TMEM11: variants seen among roughly 807,000 people sequenced by gnomAD.
TMEM11 encodes transmembrane protein 11, mitochondrial.
TMEM11 carries 1 observed loss-of-function variant against 17.0 expected under a neutral mutation model. The ratio of observed to expected loss-of-function variants is 0.06; its 90% CI spans 0.02 to 0.28. The LOEUF (loss-of-function observed/expected upper bound fraction) is 0.28. Among genes scored for constraint, TMEM11 ranks in the 10% least tolerant of loss-of-function variants. TMEM11 has a pLI of 1.00. For synonymous variants in TMEM11, 122 were observed against 118.1 expected (o/e 1.03, Z -0.21); for missense variants, 172 against 252.9 (o/e 0.68, Z 2.17).
Position 21,198,288 on chromosome 17 carries a change from C to A in TMEM11, c.*36G>T. ...TGAATACTCTGTTGTCTCTTGTGGG[C>A]CGGGTGGTTTTGCTTCGCTCCCTGT... On this transcript the variant is annotated 3_prime_UTR_variant, in exon 2 of 2. Coordinates refer to ENST00000317635, the MANE Select transcript of TMEM11 (RefSeq NM_003876.3). The surrounding 1 kb of genome is among the most constrained non-coding windows in gnomAD (Gnocchi z 6.5). 1 of 1,582,544 alleles carries A rather than the reference C, an allele frequency of 6.3e-7. No individual in the cohort carries two copies. The highest frequency in any genetic ancestry group is 8.6e-7 in the Non-Finnish European group (1 of 1,160,356).
intron 1 of TMEM11, among the ~76,000 whole-genome samples, chr17:21,200,399 T>C (rs1020973122): frequency 2.0e-5 from 3 of 152,214 alleles, no homozygotes; most frequent in African/African-American, 7.2e-5. Context: ...GCAAGAAGTC[T>C]TTATCTGGGC....
chr17:21,198,300 G>T lies in TMEM11; in HGVS notation c.*24C>A, dbSNP rs752591957. On this transcript the variant is annotated 3_prime_UTR_variant, in exon 2 of 2. Coordinates refer to ENST00000317635, the MANE Select transcript of TMEM11 (RefSeq NM_003876.3). This position sits in a 1 kb window ranked among gnomAD's most constrained non-coding sequence, Gnocchi z 6.5. ...TGTCTCTTGTGGGCCGGGTGGTTTT[G>T]CTTCGCTCCCTGTTCTACTGAAATC... The T allele has an allele frequency of 6.3e-7, 1 of 1,592,416 alleles. No individual in the cohort carries two copies. The highest frequency in any genetic ancestry group is 8.6e-7 in the Non-Finnish European group (1 of 1,165,518).
chr17:21,199,301 T>G (rs1178619359), intron 1 of TMEM11, among the ~76,000 whole-genome samples: 4 of 122,968 alleles, frequency 3.3e-5, no homozygotes, highest in Non-Finnish European at 6.4e-5. Context: ...CACTCCAGCC[T>G]GGGTGACAGG....
chr17:21,210,939 C>G (rs1974996469), intron 1 of TMEM11: 1 of 1,283,004 alleles, frequency 7.8e-7, no homozygotes, highest in Non-Finnish European at 1.0e-6. Context: ...TACTCACATT[C>G]CAACAATCAC....
rs376685777 is a variant in TMEM11 at position 21,198,422 on chromosome 17, G to A, written c.481C>T (p.Arg161Trp). ...LTSSTPVVLVRKDDLHRKRLH... is the reference protein window; with the variant it reads ...LTSSTPVVLVWKDDLHRKRLH... Reference sequence around the variant, plus strand: ...CTCTTTCTGTGCAGGTCGTCCTTCCGGACCAGCACCACCGGGGTGGAGGAG... The same window carrying A: ...CTCTTTCTGTGCAGGTCGTCCTTCCAGACCAGCACCACCGGGGTGGAGGAG... Residue 161 changes from arginine (R) to tryptophan (W), a missense_variant, in exon 2 of 2, where the codon CGG becomes TGG. By Grantham distance (101) the Arg-to-Trp change is moderately radical. Coordinates refer to ENST00000317635, the MANE Select transcript of TMEM11 (RefSeq NM_003876.3). This position sits in a 1 kb window ranked among gnomAD's most constrained non-coding sequence, Gnocchi z 6.5. 4.3e-6 allele frequency: 7 copies of A among 1,614,108 alleles called. No individual in the cohort carries two copies. Among genetic ancestry groups the A allele is most frequent in the African/African-American group, 4.0e-5 (3 of 74,936 alleles).
intron 1 of TMEM11, chr17:21,213,829 C>T (rs951229501): frequency 2.4e-6 from 1 of 420,660 alleles, no homozygotes; most frequent in Admixed American, 4.3e-5. Context: ...CACGGCCCGG[C>T]CTCGGGCCCC....
intron 1 of TMEM11, chr17:21,213,390 A>G (rs1975023723): frequency 6.6e-6 from 1 of 152,260 alleles, no homozygotes. Flanking sequence ...TCTTCTAGAA[A>G]TCAGTTATTC....
rs146822922 is a variant in TMEM11, at chr17:21,212,583, T to C, written c.62+1508A>G. ...TGCACTGCTAATTTGCAGATCCATT[T>C]TGAATAAACAGTTGTCTCAAGCCAA... is the stretch of plus-strand genomic sequence containing the variant. On this transcript the variant is annotated intron_variant, in intron 1 of 1. Coordinates refer to ENST00000317635, the MANE Select transcript of TMEM11 (RefSeq NM_003876.3). Among the ~76,000 whole-genome samples, 62 of 152,362 alleles carry C rather than the reference T, an allele frequency of 4.1e-4. 1 individual carries two copies. In the East Asian group the frequency reaches 8.9e-3, roughly 22 times the overall value.
Position 21,198,608 on chromosome 17 carries a change from G to A in TMEM11, c.295C>T (p.Leu99=), listed in dbSNP as rs1974845583. 1.9e-6 allele frequency: 3 copies of A among 1,613,962 alleles called. No individual in the cohort carries two copies. The highest frequency in any genetic ancestry group is 8.5e-7 in the Non-Finnish European group (1 of 1,179,966). Residue 99 remains leucine, a synonymous_variant, in exon 2 of 2, where the codon CTG becomes TTG. Coordinates refer to ENST00000317635, the MANE Select transcript of TMEM11 (RefSeq NM_003876.3). The surrounding 1 kb of genome is among the most constrained non-coding windows in gnomAD (Gnocchi z 6.5). ...ATGTAGTGGGAATAATCTAAGGGCA[G>A]CGCCAACGGGGTGAAGAGGCAGGCG... is the stretch of plus-strand genomic sequence containing the variant. ...GTACLFTPLA[L]PLDYSHYISL...
At chr17:21,210,182 A>G (rs987910203) in intron 1 of TMEM11, among the ~76,000 whole-genome samples, 2 of 152,204 alleles carry the variant, frequency 1.3e-5, no homozygotes, top group African/African-American at 4.8e-5. Flanking sequence ...AAAGGACTGA[A>G]CCACTGAGAC....
chr17:21,212,254 A>G (rs1433782922), intron 1 of TMEM11, among the ~76,000 whole-genome samples: 1 of 152,156 alleles, frequency 6.6e-6, no homozygotes, highest in African/African-American at 2.4e-5. Flanking sequence ...CTGACACACA[A>G]CATCTGCGTG....
intron 1 of TMEM11, among the ~76,000 whole-genome samples, chr17:21,209,504 C>G (rs777159579): frequency 2.0e-5 from 3 of 152,180 alleles, no homozygotes; most frequent in African/African-American, 4.8e-5. Context: ...CAGTGGCTCA[C>G]GCCTGTAATC....
At chr17:21,204,284 A>C (rs937399902) in intron 1 of TMEM11, among the ~76,000 whole-genome samples, 2 of 151,808 alleles carry the variant, frequency 1.3e-5, no homozygotes, top group African/African-American at 4.8e-5. Flanking sequence ...AAATACAAAA[A>C]TTAGCTGGGT....
At chr17:21,206,062 T>C (rs1567636527) in intron 1 of TMEM11, among the ~76,000 whole-genome samples, 1 of 151,608 alleles carries the variant, frequency 6.6e-6, no homozygotes, top group Non-Finnish European at 1.5e-5. Context: ...GGGGGGTATA[T>C]ATACCCAGAA....
At chr17:21,213,745 G>A (rs896534843) in intron 1 of TMEM11, 2 of 298,872 alleles carry the variant, frequency 6.7e-6, no homozygotes, top group Non-Finnish European at 1.3e-5. Context: ...CGGGAAGGGT[G>A]CTTCAGCAGC....
chr17:21,213,257 A>G (rs916493321), intron 1 of TMEM11: 2 of 152,346 alleles, frequency 1.3e-5, no homozygotes, highest in Non-Finnish European at 1.5e-5. Flanking sequence ...TGGCTCCACC[A>G]ATACATCTTC....
In TMEM11 at chr17:21,198,848, T is replaced by G; in HGVS notation, c.63-8A>C. 1 of 1,603,326 alleles carries G rather than the reference T, an allele frequency of 6.2e-7. No homozygotes were observed. Among genetic ancestry groups the G allele is most frequent in the South Asian group, 1.1e-5 (1 of 89,952 alleles). On this transcript the variant is annotated splice_polypyrimidine_tract_variant and splice_region_variant and intron_variant, in intron 1 of 1. Transcript: ENST00000317635. The surrounding 1 kb of genome is among the most constrained non-coding windows in gnomAD (Gnocchi z 6.5). Reference sequence around the variant, plus strand: ...GTGGCCGACAAGCTCACCCTTTTGATGGAGGGGGCAGGAAAGGGAGAGAGA... The same window carrying G: ...GTGGCCGACAAGCTCACCCTTTTGAGGGAGGGGGCAGGAAAGGGAGAGAGA...
rs768783701 is a variant in TMEM11, at chr17:21,205,907, A to C, written c.63-7067T>G. ...ATTTTCTTCCTTTTTAAGGCTCAGTAATGTTCCACCGTATGCATAAACCAC... is the reference window on the plus strand; with the variant it reads ...ATTTTCTTCCTTTTTAAGGCTCAGTCATGTTCCACCGTATGCATAAACCAC... On this transcript the variant is annotated intron_variant, in intron 1 of 1. Coordinates refer to ENST00000317635, the MANE Select transcript of TMEM11 (RefSeq NM_003876.3). Among the ~76,000 whole-genome samples, 19 of 152,132 alleles carry C rather than the reference A, an allele frequency of 1.2e-4. 1 individual carries two copies. Among genetic ancestry groups the C allele is most frequent in the Non-Finnish European group, 2.1e-4 (14 of 67,994 alleles).
intron 1 of TMEM11, among the ~76,000 whole-genome samples, chr17:21,199,354 A>G (rs1214388041): frequency 6.7e-6 from 1 of 150,274 alleles, no homozygotes; most frequent in Non-Finnish European, 1.5e-5. Flanking sequence ...AAAGATATAA[A>G]AAGGCAGGAA....
Sources: allele counts gnomAD v4.1 joint callset (sites outside exome capture counted in the v4.1 genomes callset), GRCh38; gene constraint gnomAD v4.1.1; non-coding constraint Gnocchi (gnomAD v3.1); transcripts MANE v1.5; gene names NCBI Gene and HGNC (gene_info 2026-07-23, HGNC 2026-07-21).